UBE2D2: variants seen among roughly 807,000 people sequenced by gnomAD.
UBE2D2 encodes the protein ubiquitin-conjugating enzyme E2 D2.
In UBE2D2, 2 loss-of-function variants were observed where a neutral mutation model predicts 24.2. That is an observed-to-expected ratio of 0.08 (90% CI 0.03 to 0.26). The LOEUF (loss-of-function observed/expected upper bound fraction) is 0.26. UBE2D2 is among the 10% of genes least tolerant of loss of function. The probability of loss-of-function intolerance (pLI) is 1.00; values close to 1 mark genes in which losing one functional copy is unlikely to be tolerated. For missense variants in UBE2D2, 44 were observed against 177.6 expected (o/e 0.25, Z 4.28); for synonymous variants, 58 against 56.5 (o/e 1.03, Z -0.12).
chr5:139,566,987 C>G (rs2126651174), intron 1 of UBE2D2, among the ~76,000 whole-genome samples: 1 of 151,030 alleles, frequency 6.6e-6, no homozygotes, highest in African/African-American at 2.4e-5. Context: ...ATTAAAGTAA[C>G]CAGGGATTGG....
chr5:139,562,308 A>AT, intron 1 of UBE2D2: 1 of 1,350,614 alleles, frequency 7.4e-7, no homozygotes, highest in Non-Finnish European at 9.8e-7. Flanking sequence ...ATCCACAAGT[A>AT]TATCCTGAGT....
intron 1 of UBE2D2, among the ~76,000 whole-genome samples, chr5:139,566,776 G>A (rs1278144684): frequency 6.6e-6 from 1 of 152,078 alleles, no homozygotes; most frequent in African/African-American, 2.4e-5. Context: ...GAAAATGCAT[G>A]TGCTATCAGA....
intron 1 of UBE2D2, among the ~76,000 whole-genome samples, chr5:139,583,013 C>T (rs1223053273): frequency 6.7e-6 from 1 of 149,084 alleles, no homozygotes; most frequent in Non-Finnish European, 1.5e-5. Context: ...CTCGCTTTGT[C>T]GCCCGGGCTG....
rs201504812 is a variant in UBE2D2 at position 139,614,558 on chromosome 5, T to A, written c.89-28T>A. The A allele has an allele frequency of 1.3e-3, 2,077 of 1,611,980 alleles. 45 individuals are homozygous for A. The South Asian group carries it at 0.022, about 17-fold the overall frequency. ...TAGATACAATGTAGATATTGTTACA[T>A]GGTGACTTTTTTCTTGTTATTTTTC... On this transcript the variant is annotated intron_variant, in intron 2 of 6. Coordinates refer to ENST00000398733, the MANE Select transcript of UBE2D2 (RefSeq NM_003339.3).
intron 5 of UBE2D2, among the ~76,000 whole-genome samples, chr5:139,619,732 G>A (rs1378092682): frequency 6.6e-6 from 1 of 152,062 alleles, no homozygotes; most frequent in South Asian, 2.1e-4. Context: ...GCTTGGTGGT[G>A]CATGCCTGTA....
At chr5:139,550,591 G>T (rs1284048091) in intron 1 of UBE2D2, among the ~76,000 whole-genome samples, 1 of 151,894 alleles carries the variant, frequency 6.6e-6, no homozygotes, top group Non-Finnish European at 1.5e-5. Flanking sequence ...TTGTTTTTTT[G>T]ATCTTTGAGA....
chr5:139,562,906 G>T (rs543674015), intron 1 of UBE2D2, among the ~76,000 whole-genome samples: 3 of 152,148 alleles, frequency 2.0e-5, no homozygotes, highest in African/African-American at 2.4e-5. Flanking sequence ...ACTCAGATTG[G>T]CTATATTAAA....
intron 1 of UBE2D2, 37 bp from the exon 2 acceptor site, chr5:139,600,335 A>G: frequency 6.2e-7 from 1 of 1,602,622 alleles, no homozygotes; most frequent in Non-Finnish European, 8.5e-7. Context: ...AGGTACATTT[A>G]TGTTGAATAT....
intron 1 of UBE2D2, among the ~76,000 whole-genome samples, chr5:139,547,598 C>A (rs1414285156): frequency 1.3e-5 from 2 of 152,016 alleles, no homozygotes; most frequent in African/African-American, 4.8e-5. Flanking sequence ...CAACCACCAC[C>A]TCCTGGGTTC....
chr5:139,626,385 C>T (rs771781054), intron 6 of UBE2D2, among the ~76,000 whole-genome samples: 7 of 152,082 alleles, frequency 4.6e-5, no homozygotes, highest in Non-Finnish European at 8.8e-5. Context: ...TCGGTTTAAT[C>T]ATTATTAGTA....
chr5:139,527,223 T>G (rs938107834), intron 1 of UBE2D2, among the ~76,000 whole-genome samples: 7 of 152,168 alleles, frequency 4.6e-5, no homozygotes, highest in African/African-American at 1.7e-4. Context: ...CAAGGTAACC[T>G]GTAAGCCAAA....
intron 2 of UBE2D2, among the ~76,000 whole-genome samples, chr5:139,602,086 CTG>C (rs1422496188): frequency 1.3e-5 from 2 of 152,130 alleles, no homozygotes; most frequent in Non-Finnish European, 2.9e-5. Context: ...GAGTCTCACT[CTG>C]TTGCCCGTGC....
intron 1 of UBE2D2, among the ~76,000 whole-genome samples, chr5:139,593,038 C>T (rs1248786304): frequency 1.3e-5 from 2 of 149,408 alleles, no homozygotes; most frequent in Non-Finnish European, 3.0e-5. Context: ...CTCTGTTACC[C>T]AGGCTGGAGT....
At chr5:139,597,409 G>C (rs940406909) in intron 1 of UBE2D2, among the ~76,000 whole-genome samples, 4 of 152,212 alleles carry the variant, frequency 2.6e-5, no homozygotes, top group Non-Finnish European at 4.4e-5. Context: ...TGTTGAATGA[G>C]TGTGTTAAAT....
chr5:139,551,839 ACTG>A (rs1752924253), intron 1 of UBE2D2, among the ~76,000 whole-genome samples: 1 of 152,226 alleles, frequency 6.6e-6, no homozygotes, highest in African/African-American at 2.4e-5. Flanking sequence ...CTAAAACCAG[ACTG>A]CTAATAAACA....
intron 1 of UBE2D2, among the ~76,000 whole-genome samples, chr5:139,589,945 C>T (rs571748900): frequency 5.3e-5 from 8 of 152,078 alleles, no homozygotes; most frequent in Admixed American, 2.0e-4. Context: ...CCACCACACC[C>T]GGCTAATTTT....
At chr5:139,532,207 C>T (rs1581477520) in intron 1 of UBE2D2, among the ~76,000 whole-genome samples, 1 of 148,834 alleles carries the variant, frequency 6.7e-6, no homozygotes, top group East Asian at 2.0e-4. Context: ...CAGAGTCTTG[C>T]TCTGTTGCCC....
intron 1 of UBE2D2, among the ~76,000 whole-genome samples, chr5:139,587,460 C>A (rs1328482016): frequency 1.3e-5 from 2 of 152,052 alleles, no homozygotes; most frequent in African/African-American, 4.8e-5. Context: ...ATGGGCAGAT[C>A]ACGAGGTCAG....
At chr5:139,537,419 A>C (rs904788309) in intron 1 of UBE2D2, among the ~76,000 whole-genome samples, 4 of 152,098 alleles carry the variant, frequency 2.6e-5, no homozygotes, top group Non-Finnish European at 5.9e-5. Flanking sequence ...AGTACGATTC[A>C]ATCGATTTTA....
Sources: allele counts gnomAD v4.1 joint callset (sites outside exome capture counted in the v4.1 genomes callset), GRCh38; gene constraint gnomAD v4.1.1; transcripts MANE v1.5; gene names NCBI Gene and HGNC (gene_info 2026-07-23, HGNC 2026-07-21).